The following CCDC88A variants were observed in gnomAD, a reference collection of about 807,000 sequenced individuals.
CCDC88A encodes the protein coiled-coil and HOOK domain protein 88A, also known as girdin.
In CCDC88A, 54 loss-of-function variants were observed where a neutral mutation model predicts 234.3. That is an observed-to-expected ratio of 0.23 (90% confidence interval 0.19 to 0.29). CCDC88A has a LOEUF of 0.29. CCDC88A is among the 10% of genes least tolerant of loss of function. The probability of loss-of-function intolerance (pLI) is 1.00; values close to 1 mark genes in which losing one functional copy is unlikely to be tolerated. For missense variants in CCDC88A, 1,832 were observed against 2,123.4 expected, an observed-to-expected ratio of 0.86 and a Z score of 2.70; for synonymous variants, 753 against 737.8, an observed-to-expected ratio of 1.02 and a Z score of -0.33.
At chr2:55,357,945 T>C (rs1036298612) in intron 7 of CCDC88A, among the ~76,000 whole-genome samples, 7 of 152,150 alleles carry the variant, frequency 4.6e-5, no homozygotes, top group African/African-American at 4.8e-5. Context: ...AATTCTTCTA[T>C]TGTAGCACGC....
chr2:55,374,702 C>T, intron 4 of CCDC88A, 112 bp downstream of exon 4: 1 of 578,744 alleles, frequency 1.7e-6, no homozygotes, highest in South Asian at 3.1e-5. Context: ...CCAACGTCTA[C>T]AGTTGTGAAA....
In CCDC88A at chr2:55,332,437, A is replaced by C; in HGVS notation, c.2855+129T>G. On this transcript the variant is annotated intron_variant, in intron 16 of 32. Transcript: ENST00000436346. The surrounding 1 kb of genome is among the most constrained non-coding windows in gnomAD (Gnocchi z 4.5). The stretch of plus-strand genomic sequence containing the variant: ...GCACCCGGCTACAGAACTTTCCTTA[A>C]GGGAAGGAAGGAACCAGAAATAGGG... 7.3e-7 allele frequency: 1 copy of C among 1,370,806 alleles called. No individual in the cohort carries two copies. The highest frequency in any genetic ancestry group is 9.4e-7 in the Non-Finnish European group (1 of 1,061,726). 84.9% of individuals were successfully genotyped at this position (1,370,806 alleles called of 1,614,324 possible).
intron 2 of CCDC88A, among the ~76,000 whole-genome samples, chr2:55,413,094 G>A (rs1270657609): frequency 6.6e-6 from 1 of 152,020 alleles, no homozygotes. Flanking sequence ...TGCAGTCCCA[G>A]CTGCTTGGGA....
chr2:55,301,784 G>C (rs1290093944), intron 27 of CCDC88A, 88 bp downstream of exon 27: 1 of 1,116,252 alleles, frequency 9.0e-7, no homozygotes, highest in African/African-American at 1.6e-5. Flanking sequence ...TCAGGTTGCT[G>C]CTTTTTAAAA....
chr2:55,329,643 T>G (rs952635448), intron 16 of CCDC88A: 1 of 152,168 alleles, frequency 6.6e-6, no homozygotes, highest in Non-Finnish European at 1.5e-5. Flanking sequence ...ACAGAATGAA[T>G]GGATAAGAGG....
intron 23 of CCDC88A, among the ~76,000 whole-genome samples, chr2:55,312,073 C>A (rs1352562276): frequency 6.6e-6 from 1 of 152,194 alleles, no homozygotes; most frequent in Non-Finnish European, 1.5e-5. Flanking sequence ...CCTATCGAAC[C>A]TATAAATCTC....
intron 2 of CCDC88A, chr2:55,406,301 C>T (rs539211006): frequency 1.3e-5 from 2 of 152,174 alleles, no homozygotes; most frequent in East Asian, 1.9e-4. Context: ...TATGAGAAAA[C>T]TCACCCCATT....
rs1682113067 is a variant in CCDC88A at position 55,309,875 on chromosome 2, T to C, written c.4080-621A>G. Reference sequence around the variant, plus strand: ...CAATATAGGAGAGAAGATATATCCATAAATTAATATAATAACATATAATAT... The same window carrying C: ...CAATATAGGAGAGAAGATATATCCACAAATTAATATAATAACATATAATAT... On this transcript the variant is annotated intron_variant, in intron 23 of 32. Transcript: ENST00000436346. This position sits in a 1 kb window ranked among gnomAD's most constrained non-coding sequence, Gnocchi z 5.1. 6.6e-6 allele frequency among the ~76,000 whole-genome samples: 1 copy of C among 152,164 alleles called. No homozygotes were observed. Among genetic ancestry groups the C allele is most frequent in the African/African-American group, 2.4e-5 (1 of 41,440 alleles).
Position 55,335,042 on chromosome 2 carries a change from A to C in CCDC88A, c.1779T>G (p.His593Gln). The change falls in exon 15 of 33, where the codon CAT becomes CAG. Residue 593 changes from histidine to glutamine, a missense_variant. Coordinates refer to ENST00000436346, the MANE Select transcript of CCDC88A (RefSeq NM_001365480.1). This position sits in a 1 kb window ranked among gnomAD's most constrained non-coding sequence, Gnocchi z 4.5. ...TGCTACTTGTTTCTTTGATAGATTC[A>C]TGAAGAATTTTGTTTTCTTTTTCAA... ...KDIEKENKIL[H>Q]ESIKETSSKL... The C allele has an allele frequency of 6.2e-7, 1 of 1,611,050 alleles. No individual in the cohort carries two copies. The highest frequency in any genetic ancestry group is 8.5e-7 in the Non-Finnish European group (1 of 1,178,222).
intron 14 of CCDC88A, 44 bp downstream of exon 14, chr2:55,336,637 T>C (rs780194612): frequency 1.6e-6 from 2 of 1,266,386 alleles, no homozygotes; most frequent in Non-Finnish European, 1.1e-6. Context: ...CTTTTGCTAA[T>C]AAATTTTAAA....
At chr2:55,320,491 A>G (rs952327840) in intron 18 of CCDC88A, among the ~76,000 whole-genome samples, 1 of 152,164 alleles carries the variant, frequency 6.6e-6, no homozygotes, top group Non-Finnish European at 1.5e-5. Context: ...CTAAAATATG[A>G]TATGAAGTAA....
intron 17 of CCDC88A, among the ~76,000 whole-genome samples, chr2:55,325,944 A>C (rs144509251): frequency 3.4e-3 from 515 of 152,302 alleles, no homozygotes; most frequent in African/African-American, 0.012. Flanking sequence ...CCAATCTAGC[A>C]ATTTTTTGAT....
chr2:55,384,065 G>A (rs1401654731), intron 3 of CCDC88A, among the ~76,000 whole-genome samples: 1 of 151,878 alleles, frequency 6.6e-6, no homozygotes, highest in African/African-American at 2.4e-5. Flanking sequence ...ATAGCATAGT[G>A]ACACACATGT....
At chr2:55,359,483 T>C (rs1671003882) in intron 7 of CCDC88A, among the ~76,000 whole-genome samples, 1 of 151,928 alleles carries the variant, frequency 6.6e-6, no homozygotes, top group Non-Finnish European at 1.5e-5. Flanking sequence ...AGTTCAAGGC[T>C]TCCTATACAT....
At chr2:55,294,807 G>A in intron 31 of CCDC88A, 1 of 1,010,974 alleles carries the variant, frequency 9.9e-7, no homozygotes, top group Non-Finnish European at 1.2e-6. Context: ...AAATGTGAAG[G>A]AGGAGCATGT....
intron 2 of CCDC88A, chr2:55,397,248 C>T (rs1433574156): frequency 1.3e-5 from 2 of 152,234 alleles, no homozygotes; most frequent in South Asian, 2.1e-4. Context: ...GCACCCACCA[C>T]CACACCTGAC....
rs747609244 is a variant in CCDC88A, at chr2:55,301,231, A to C, written c.4719T>G (p.Asp1573Glu). 3 of 1,597,218 alleles carry C rather than the reference A, an allele frequency of 1.9e-6. No individual in the cohort carries two copies. In the African/African-American group the frequency reaches 4.0e-5, roughly 21 times the overall value. ...CATGAACTCTTGATCCCGTACTAGA[A>C]TCATCACTAACACCTTGTGGACTTA... is the stretch of plus-strand genomic sequence containing the variant. ...EDISPQGVSD[D>E]SSTGSRVHAS... is the part of the protein sequence containing the mutation. The change falls in exon 28 of 33, where the codon GAT becomes GAG. Residue 1573 changes from aspartate to glutamate, a missense_variant. Physicochemically the swap from Asp to Glu is conservative, Grantham distance 45. Around this residue, in one of 6 missense-constraint regions of CCDC88A, gnomAD observed 422 missense variants for 416.5 expected, o/e 1.01. Coordinates refer to ENST00000436346, the MANE Select transcript of CCDC88A (RefSeq NM_001365480.1).
chr2:55,310,348 G>A (rs1682192069), intron 23 of CCDC88A, among the ~76,000 whole-genome samples: 1 of 152,170 alleles, frequency 6.6e-6, no homozygotes, highest in South Asian at 2.1e-4. Flanking sequence ...TTGGGAGGTG[G>A]AGGCAGGTGG....
At position 55,419,509 on chromosome 2, in the gene CCDC88A, G is replaced by T; in HGVS notation, c.-430C>A. The T allele has an allele frequency of 1.8e-5, 3 of 164,326 alleles. No homozygotes were observed. Among genetic ancestry groups the T allele is most frequent in the South Asian group, 1.6e-4 (1 of 6,442 alleles). The allele number at this position is 164,326 out of a possible 1,614,324, so 10.2% of individuals were successfully genotyped here. On this transcript the variant is annotated 5_prime_UTR_variant, in exon 1 of 33. Coordinates refer to ENST00000436346, the MANE Select transcript of CCDC88A (RefSeq NM_001365480.1). ...TACGTTAAACAGAGACCACGTTAAG[G>T]ATACCGAGGCGCCACCAGACTCGAC... is the stretch of plus-strand genomic sequence containing the variant.
Sources: allele counts gnomAD v4.1 joint callset (sites outside exome capture counted in the v4.1 genomes callset), GRCh38; gene constraint gnomAD v4.1.1; regional missense constraint gnomAD v4.1.1; non-coding constraint Gnocchi (gnomAD v3.1); transcripts MANE v1.5; gene names NCBI Gene and HGNC (gene_info 2026-07-23, HGNC 2026-07-21).